EPHB1: variants seen among roughly 807,000 people sequenced by gnomAD.
The protein encoded by EPHB1 is EPH receptor B1.
A neutral mutation model predicts 94.4 loss-of-function variants in EPHB1; 30 were observed. The observed-to-expected ratio is 0.32, with a 90% CI of 0.24 to 0.43. The LOEUF is 0.43. EPHB1 is among the 20% of genes least tolerant of loss of function. EPHB1 has a pLI of 1.00. For missense variants in EPHB1, 1,055 were observed against 1,308.3 expected (o/e 0.81, Z 2.99); for synonymous variants, 522 against 489.1 (o/e 1.07, Z -0.89).
chr3:134,908,348 G>A (rs1272852012), intron 1 of EPHB1, among the ~76,000 whole-genome samples: 1 of 152,186 alleles, frequency 6.6e-6, no homozygotes, highest in Non-Finnish European at 1.5e-5. Flanking sequence ...AGAGGGGCTG[G>A]CCCTCTCCAT....
chr3:135,196,505 G>A (rs985189871), intron 11 of EPHB1, among the ~76,000 whole-genome samples: 1 of 152,144 alleles, frequency 6.6e-6, no homozygotes, highest in Non-Finnish European at 1.5e-5. Flanking sequence ...CACACTGCAT[G>A]GAGGCAGGTA....
intron 5 of EPHB1, among the ~76,000 whole-genome samples, chr3:135,149,510 C>T (rs1244595866): frequency 6.6e-6 from 1 of 152,198 alleles, no homozygotes; most frequent in Non-Finnish European, 1.5e-5. Flanking sequence ...TACCAGAGCT[C>T]ATTCTTATTA....
At chr3:135,113,005 A>G (rs1939523475) in intron 4 of EPHB1, among the ~76,000 whole-genome samples, 1 of 152,196 alleles carries the variant, frequency 6.6e-6, no homozygotes, top group Non-Finnish European at 1.5e-5. Context: ...AGAGACTGAT[A>G]TTACCCCGAT....
At chr3:134,885,970 A>G (rs1349224959) in intron 1 of EPHB1, among the ~76,000 whole-genome samples, 1 of 152,202 alleles carries the variant, frequency 6.6e-6, no homozygotes, top group East Asian at 1.9e-4. Context: ...TGGAGGCTAA[A>G]TCCACATACC....
At chr3:135,245,672 G>A (rs2107729999) in intron 13 of EPHB1, among the ~76,000 whole-genome samples, 1 of 152,020 alleles carries the variant, frequency 6.6e-6, no homozygotes, top group Admixed American at 6.5e-5. Context: ...AGGGCATAAT[G>A]GTGCATGCCT....
chr3:135,079,550 A>T (rs545537322), intron 3 of EPHB1, among the ~76,000 whole-genome samples: 1 of 152,110 alleles, frequency 6.6e-6, no homozygotes, highest in South Asian at 2.1e-4. Context: ...CTGGTTTGGG[A>T]GTAGGCCTCC....
At chr3:135,205,807 C>T (rs1942886269) in intron 12 of EPHB1, among the ~76,000 whole-genome samples, 1 of 152,202 alleles carries the variant, frequency 6.6e-6, no homozygotes, top group South Asian at 2.1e-4. Flanking sequence ...TTGCAGACAT[C>T]ATTACATATC....
At chr3:135,188,972 A>T (rs1484104730) in intron 10 of EPHB1, among the ~76,000 whole-genome samples, 1 of 151,840 alleles carries the variant, frequency 6.6e-6, no homozygotes, top group Non-Finnish European at 1.5e-5. Flanking sequence ...ATGACCACGA[A>T]GGTAACCAAC....
chr3:135,238,086 T>C (rs529737847), intron 12 of EPHB1, among the ~76,000 whole-genome samples: 2 of 152,368 alleles, frequency 1.3e-5, no homozygotes, highest in South Asian at 2.1e-4. Context: ...ATATTGATTA[T>C]ATCAATAATC....
At chr3:134,925,712 T>C (rs2038776413) in intron 1 of EPHB1, 104 bp from the exon 2 acceptor site, 2 of 924,756 alleles carry the variant, frequency 2.2e-6, no homozygotes, top group East Asian at 2.9e-5. Context: ...CTTGTAGTAC[T>C]GTCATTTACT....
At chr3:135,007,408 A>G (rs1935459553) in intron 3 of EPHB1, among the ~76,000 whole-genome samples, 3 of 152,210 alleles carry the variant, frequency 2.0e-5, no homozygotes, top group Admixed American at 6.5e-5. Context: ...TCTTAGGCCA[A>G]TTACCTGCAA....
intron 3 of EPHB1, among the ~76,000 whole-genome samples, chr3:135,046,317 T>C (rs1936996603): frequency 6.6e-6 from 1 of 152,232 alleles, no homozygotes; most frequent in East Asian, 1.9e-4. Context: ...CATTGTCGCA[T>C]GTGAGCTTCT....
intron 1 of EPHB1, among the ~76,000 whole-genome samples, chr3:134,867,448 C>A (rs956056126): frequency 1.8e-4 from 27 of 152,168 alleles, no homozygotes; most frequent in East Asian, 1.9e-4. Flanking sequence ...TGGAGTGGAG[C>A]GTGTAGGAGC....
intron 12 of EPHB1, among the ~76,000 whole-genome samples, chr3:135,215,225 G>A (rs1489610469): frequency 6.6e-6 from 1 of 151,648 alleles, no homozygotes; most frequent in African/African-American, 2.4e-5. Flanking sequence ...GTGCAATGGT[G>A]CAATCTCGGC....
At chr3:135,061,744 C>T (rs1025915794) in intron 3 of EPHB1, among the ~76,000 whole-genome samples, 2 of 152,088 alleles carry the variant, frequency 1.3e-5, no homozygotes, top group Non-Finnish European at 2.9e-5. Context: ...CTATCCCTCC[C>T]CACTCCCCCC....
chr3:134,950,085 T>G (rs1217652871), intron 2 of EPHB1, among the ~76,000 whole-genome samples: 2 of 152,254 alleles, frequency 1.3e-5, no homozygotes, highest in Non-Finnish European at 2.9e-5. Flanking sequence ...ATGGGTGAGT[T>G]GCATGATGTC....
intron 4 of EPHB1, among the ~76,000 whole-genome samples, chr3:135,106,815 T>TC (rs1203054782): frequency 6.6e-6 from 1 of 152,054 alleles, no homozygotes; most frequent in African/African-American, 2.4e-5. Flanking sequence ...TTTTCTTTCT[T>TC]CCCCCTTCTT....
chr3:135,078,911 T>G (rs1938049320), intron 3 of EPHB1, among the ~76,000 whole-genome samples: 1 of 152,168 alleles, frequency 6.6e-6, no homozygotes, highest in African/African-American at 2.4e-5. Context: ...GAGTCCTCTT[T>G]CCTTTTCTCT....
intron 6 of EPHB1, among the ~76,000 whole-genome samples, chr3:135,155,847 T>C (rs1296467104): frequency 6.8e-6 from 1 of 147,346 alleles, no homozygotes; most frequent in Non-Finnish European, 1.5e-5. Flanking sequence ...TATGGAGCTA[T>C]AGCAGGTTGA....
Sources: allele counts gnomAD v4.1 joint callset (sites outside exome capture counted in the v4.1 genomes callset), GRCh38; gene constraint gnomAD v4.1.1; transcripts MANE v1.5; gene names NCBI Gene and HGNC (gene_info 2026-07-23, HGNC 2026-07-21).